ETFB: variants seen among roughly 807,000 people sequenced by gnomAD.
ETFB encodes beta-ETF.
ETFB carries 20 observed loss-of-function variants against 25.6 expected under a neutral mutation model. That is an observed-to-expected ratio of 0.78 (90% CI 0.55 to 1.14). The LOEUF (loss-of-function observed/expected upper bound fraction) is 1.14, where lower values mean the gene tolerates loss of function less well. ETFB is among the 50% of genes most tolerant of loss of function. ETFB has a pLI of 0.00. For synonymous variants in ETFB, 142 were observed against 146.7 expected, an observed-to-expected ratio of 0.97 and a Z score of 0.23; for missense variants, 286 against 342.6, an observed-to-expected ratio of 0.83 and a Z score of 1.30.
chr19:51,366,190 CCCCCA>C, intron 1 of ETFB, 75 bp downstream of exon 1: 2 of 1,400,788 alleles, frequency 1.4e-6, no homozygotes, highest in South Asian at 2.3e-5. Flanking sequence ...TACGAGAAGA[CCCCCA>C]CCCAGTGTGC....
At position 51,354,192 on chromosome 19, in the gene ETFB, C is replaced by G; in HGVS notation, c.174G>C (p.Val58=). ...EAVRLKEKKL[V]KEVIAVSCGP... is the part of the protein sequence containing the mutation. ...CACAGCTGACGGCGATGACCTCCTTCACCAGCTTCTTCTCCTTGAGCCGCA... is the reference window on the plus strand; with the variant it reads ...CACAGCTGACGGCGATGACCTCCTTGACCAGCTTCTTCTCCTTGAGCCGCA... Residue 58 remains valine (V), a synonymous_variant, in exon 2 of 6, where the codon GTG becomes GTC. Transcript: ENST00000309244. 6.2e-7 allele frequency: 1 copy of G among 1,614,178 alleles called. No homozygotes were observed. The highest frequency in any genetic ancestry group is 8.5e-7 in the Non-Finnish European group (1 of 1,180,032).
chr19:51,362,162 T>TACACAC (rs59581815), intron 1 of ETFB, among the ~76,000 whole-genome samples: 87 of 144,640 alleles, frequency 6.0e-4, no homozygotes, highest in African/African-American at 1.8e-3. Flanking sequence ...CGGACACACA[T>TACACAC]ACACACACAC....
intron 2 of ETFB, 86 bp from the exon 3 acceptor site, chr19:51,353,376 A>C (rs1985978763): frequency 7.9e-7 from 1 of 1,259,070 alleles, no homozygotes; most frequent in African/African-American, 1.8e-5. Flanking sequence ...CCTCAGACCC[A>C]GGAGTCCAGG....
chr19:51,350,698 T>C (rs1451335479), intron 3 of ETFB, among the ~76,000 whole-genome samples: 1 of 152,104 alleles, frequency 6.6e-6, no homozygotes, highest in Admixed American at 6.5e-5. Flanking sequence ...TTGGCCAGGC[T>C]GGTCTTGAAC....
intron 1 of ETFB, chr19:51,354,662 T>C (rs1986032331): frequency 6.2e-7 from 1 of 1,608,948 alleles, no homozygotes; most frequent in Admixed American, 1.7e-5. Context: ...CAAGTGTATA[T>C]AAATACATAA....
intron 5 of ETFB, chr19:51,345,743 A>G: frequency 2.7e-6 from 1 of 374,110 alleles, no homozygotes. Flanking sequence ...GATGCACTGA[A>G]CCCTCCCTAT....
chr19:51,351,659 G>A (rs935830993), intron 3 of ETFB, among the ~76,000 whole-genome samples: 1 of 152,218 alleles, frequency 6.6e-6, no homozygotes, highest in African/African-American at 2.4e-5. Flanking sequence ...CTCCGGGTAG[G>A]CCCTTCGGCC....
rs944967329 is a variant in ETFB at position 51,345,441 on chromosome 19, C to A, written c.598-60G>T. ...GAACTCCTGCCACCCTTCCTGCCAC[C>A]TCCTTCCCATGGGTGCCAGGCCTGC... On this transcript the variant is annotated intron_variant, in intron 5 of 5. Coordinates refer to ENST00000309244, the MANE Select transcript of ETFB (RefSeq NM_001985.3). 1.9e-6 allele frequency: 3 copies of A among 1,561,492 alleles called. No homozygotes were observed. The African/African-American group carries it at 4.1e-5, about 21-fold the overall frequency.
chr19:51,361,544 C>T (rs1210789516), intron 1 of ETFB, among the ~76,000 whole-genome samples: 8 of 152,158 alleles, frequency 5.3e-5, no homozygotes, highest in Admixed American at 5.2e-4. Context: ...CCTGAAGAAA[C>T]ACCAGGCGCT....
chr19:51,345,303 T>A lies in ETFB; in HGVS notation c.676A>T (p.Ser226Cys), dbSNP rs2123567525. The A allele has an allele frequency of 1.9e-6, 3 of 1,614,152 alleles. No homozygotes were observed. Among genetic ancestry groups the A allele is most frequent in the Middle Eastern group, 1.6e-4 (1 of 6,062 alleles). Reference sequence around the variant, plus strand: ...GTGCGCTGGGGCGGGTCCTCCACACTGATCACAGAGAGCTTGGAGGTCAGG... The same window carrying A: ...GTGCGCTGGGGCGGGTCCTCCACACAGATCACAGAGAGCTTGGAGGTCAGG... Reference protein sequence around the residue: ...VDLTSKLSVISVEDPPQRTAG... With the variant: ...VDLTSKLSVICVEDPPQRTAG... Residue 226 changes from serine (S) to cysteine (C), a missense_variant, in exon 6 of 6, where the codon AGT becomes TGT. Physicochemically the swap from Ser to Cys is moderately radical, Grantham distance 112. Coordinates refer to ENST00000309244, the MANE Select transcript of ETFB (RefSeq NM_001985.3).
At chr19:51,354,534 G>A (rs780370754) in intron 1 of ETFB, 1 of 1,614,194 alleles carries the variant, frequency 6.2e-7, no homozygotes, top group Admixed American at 1.7e-5. Context: ...GGGTACCAGG[G>A]ACATCTGACT....
At chr19:51,346,825 G>A (rs1224332439) in intron 5 of ETFB, 75 bp downstream of exon 5, 18 of 1,442,528 alleles carry the variant, frequency 1.2e-5, no homozygotes, top group South Asian at 3.7e-5. Context: ...CCCCACGTGC[G>A]ACCACCGGGG....
At chr19:51,361,697 G>GTTTTTTTT (rs67282065) in intron 1 of ETFB, 8 of 95,414 alleles carry the variant, frequency 8.4e-5, no homozygotes, top group African/African-American at 2.3e-4. Flanking sequence ...CCTCTCCTGG[G>GTTTTTTTT]TTTTTTTTTT....
At chr19:51,345,548 T>A in intron 5 of ETFB, 167 bp from the exon 6 acceptor site, 1 of 699,140 alleles carries the variant, frequency 1.4e-6, no homozygotes, top group Admixed American at 2.1e-5. Flanking sequence ...ACACCTGGTG[T>A]GGACAACTCC....
intron 1 of ETFB, among the ~76,000 whole-genome samples, chr19:51,360,419 G>A (rs1164783980): frequency 6.0e-5 from 9 of 149,390 alleles, no homozygotes; most frequent in East Asian, 2.0e-4. Flanking sequence ...AAAAAGAAAA[G>A]AAAAAAAAAA....
intron 5 of ETFB, 197 bp from the exon 6 acceptor site, chr19:51,345,578 G>T (rs900373607): frequency 4.8e-6 from 3 of 628,428 alleles, no homozygotes; most frequent in Admixed American, 5.0e-5. Flanking sequence ...GGAGGCCCTG[G>T]GAGGCCCAAC....
Position 51,354,287 on chromosome 19 carries a change from T to C in ETFB, c.79A>G (p.Thr27Ala). The C allele has an allele frequency of 1.9e-6, 3 of 1,614,066 alleles. No individual in the cohort carries two copies. The South Asian group carries it at 3.3e-5, about 18-fold the overall frequency. The change falls in exon 2 of 6, where the codon ACC becomes GCC. Residue 27 changes from threonine to alanine, a missense_variant. Coordinates refer to ENST00000309244, the MANE Select transcript of ETFB (RefSeq NM_001985.3). The part of the protein sequence containing the change: ...AVKIRVKPDR[T>A]GVVTDGVKHS... ...TTCACACCATCCGTGACCACACCGGTCCTGTCAGGCTTCACTCGGATCTGC... is the reference window on the plus strand; with the variant it reads ...TTCACACCATCCGTGACCACACCGGCCCTGTCAGGCTTCACTCGGATCTGC...
chr19:51,362,754 G>C (rs779729048), intron 1 of ETFB, among the ~76,000 whole-genome samples: 2 of 152,180 alleles, frequency 1.3e-5, no homozygotes, highest in Non-Finnish European at 2.9e-5. Flanking sequence ...GGACGCAGGC[G>C]CTGGGCTTGG....
intron 1 of ETFB, chr19:51,357,062 C>G (rs1038460138): frequency 6.6e-6 from 1 of 151,848 alleles, no homozygotes; most frequent in Non-Finnish European, 1.5e-5. Context: ...CTGCAAAGAC[C>G]CTGTTTCTAA....
Sources: gnomAD v4.1 joint callset for allele counts (sites outside exome capture counted in the v4.1 genomes callset) on GRCh38, gnomAD v4.1.1 for gene constraint, MANE v1.5 for transcripts, NCBI Gene and HGNC (gene_info 2026-07-23, HGNC 2026-07-21) for gene names.